The following SLC36A1 variants were observed in gnomAD, a reference collection of about 807,000 sequenced individuals.
SLC36A1 encodes proton-coupled amino acid transporter 1.
In SLC36A1, 30 loss-of-function variants were observed where a neutral mutation model predicts 47.5. That is an observed-to-expected ratio of 0.63 (90% CI 0.47 to 0.86). The LOEUF (loss-of-function observed/expected upper bound fraction) is 0.86, where lower values mean the gene tolerates loss of function less well. SLC36A1 is among the 40% of genes least tolerant of loss of function. The pLI is 0.00. For synonymous variants in SLC36A1, 255 were observed against 249.7 expected (o/e 1.02, Z -0.20); for missense variants, 517 against 606.0 (o/e 0.85, Z 1.54).
chr5:151,498,205 A>G, the SLC36A1 span, among the ~76,000 whole-genome samples: 1 of 152,142 alleles, frequency 6.6e-6, no homozygotes, highest in Non-Finnish European at 1.5e-5. Context: ...TCGGCCTCCC[A>G]AAGTGCTGGG....
At chr5:151,535,170 A>G in the SLC36A1 span, among the ~76,000 whole-genome samples, 1 of 151,908 alleles carries the variant, frequency 6.6e-6, no homozygotes, top group Admixed American at 6.5e-5. Context: ...GTGTGGTGTT[A>G]TAAGTGTATC....
upstream of SLC36A1, among the ~76,000 whole-genome samples, chr5:151,443,408 C>T: frequency 6.6e-6 from 1 of 152,042 alleles, no homozygotes; most frequent in South Asian, 2.1e-4. Flanking sequence ...GTTTGCATCT[C>T]CCTGATGATT....
chr5:151,425,995 T>TATCTATCTATCTATCTA, the SLC36A1 span, among the ~76,000 whole-genome samples: 1 of 152,050 alleles, frequency 6.6e-6, no homozygotes, highest in African/African-American at 2.4e-5. Context: ...TCTATCTATC[T>TATCTATCTATCTATCTA]ATCTATCTAT....
At chr5:151,417,347 G>T in the SLC36A1 span, among the ~76,000 whole-genome samples, 1 of 152,298 alleles carries the variant, frequency 6.6e-6, no homozygotes, top group East Asian at 1.9e-4. Flanking sequence ...ATGAAGTCCA[G>T]GCTGAGGTGG....
intron 2 of SLC36A1, among the ~76,000 whole-genome samples, 189 bp downstream of exon 2, chr5:151,459,124 CTTTT>C (rs1755140402): frequency 6.6e-6 from 1 of 152,206 alleles, no homozygotes; most frequent in Non-Finnish European, 1.5e-5. Context: ...GTTTCTTACT[CTTTT>C]TTCCTTTCAG....
At chr5:151,445,868 CT>C (rs909133075), upstream of SLC36A1, among the ~76,000 whole-genome samples, 5 of 151,470 alleles carry the variant, frequency 3.3e-5, no homozygotes, top group East Asian at 1.9e-4. Context: ...TATTAGTCTT[CT>C]TTTTTTTCTT....
At chr5:151,366,678 C>G in the SLC36A1 span, 1 of 157,734 alleles carries the variant, frequency 6.3e-6, no homozygotes, top group African/African-American at 2.4e-5. Context: ...AAGAAGATAA[C>G]CTGGTTTCCA....
the SLC36A1 span, chr5:151,542,206 T>G: frequency 7.1e-7 from 1 of 1,408,946 alleles, no homozygotes; most frequent in East Asian, 2.3e-5. Flanking sequence ...ATCCAGGACA[T>G]GAACCCATTT....
chr5:151,382,159 A>G, the SLC36A1 span: 3 of 968,006 alleles, frequency 3.1e-6, no homozygotes, highest in Non-Finnish European at 5.0e-6. Context: ...TCTGAATTGA[A>G]GGCTTTGGTG....
the SLC36A1 span, among the ~76,000 whole-genome samples, chr5:151,395,567 C>G: frequency 6.6e-6 from 1 of 152,150 alleles, no homozygotes; most frequent in African/African-American, 2.4e-5. Context: ...TTTTGAGTTT[C>G]TATAACACCA....
chr5:151,539,298 G>A, the SLC36A1 span, among the ~76,000 whole-genome samples: 2 of 152,252 alleles, frequency 1.3e-5, no homozygotes, highest in African/African-American at 2.4e-5. Context: ...AAGAAAAGGT[G>A]AGGAGATATA....
chr5:151,517,883 C>G, the SLC36A1 span: 1 of 1,250,220 alleles, frequency 8.0e-7, no homozygotes, highest in Non-Finnish European at 1.1e-6. Flanking sequence ...ATATTTTATA[C>G]ATGAAGAAAC....
chr5:151,438,848 T>C (rs1388469221), intron 1 of SLC36A1, among the ~76,000 whole-genome samples: 1 of 152,164 alleles, frequency 6.6e-6, no homozygotes, highest in Non-Finnish European at 1.5e-5. Context: ...GTCCTCAGAG[T>C]GCATGCATCT....
the SLC36A1 span, among the ~76,000 whole-genome samples, chr5:151,556,000 C>G: frequency 5.9e-5 from 9 of 152,158 alleles, no homozygotes; most frequent in African/African-American, 2.2e-4. Flanking sequence ...TGCTACTGAC[C>G]TAGTGTTTGA....
At chr5:151,382,446 T>C in the SLC36A1 span, 2 of 581,296 alleles carry the variant, frequency 3.4e-6, no homozygotes, top group Non-Finnish European at 6.1e-6. Flanking sequence ...GTTAGTCTTC[T>C]AGCATAGAAG....
chr5:151,429,447 G>C, the SLC36A1 span, among the ~76,000 whole-genome samples: 2 of 146,586 alleles, frequency 1.4e-5, no homozygotes, highest in Admixed American at 1.4e-4. Context: ...GAACATAACA[G>C]TGTTTGCTTT....
intron 1 of SLC36A1, among the ~76,000 whole-genome samples, chr5:151,456,414 T>C (rs900529352): frequency 2.0e-5 from 3 of 152,200 alleles, no homozygotes; most frequent in African/African-American, 7.2e-5. Flanking sequence ...CATTTGAAAA[T>C]GGTTCACAGG....
At chr5:151,346,911 A>G in the SLC36A1 span, among the ~76,000 whole-genome samples, 1 of 152,222 alleles carries the variant, frequency 6.6e-6, no homozygotes, top group African/African-American at 2.4e-5. Context: ...TTTTAAGCTC[A>G]GGACTCACCT....
At chr5:151,421,196 C>CCTTCCTTCCTTT in the SLC36A1 span, among the ~76,000 whole-genome samples, 1 of 145,446 alleles carries the variant, frequency 6.9e-6, no homozygotes, top group African/African-American at 2.5e-5. Context: ...TTCCTTCCTT[C>CCTTCCTTCCTTT]CTTCCTTCCT....
Sources: allele counts gnomAD v4.1 joint callset (sites outside exome capture counted in the v4.1 genomes callset), GRCh38; gene constraint gnomAD v4.1.1; transcripts MANE v1.5; gene names NCBI Gene and HGNC (gene_info 2026-07-23, HGNC 2026-07-21).